NRXN1: variants seen among roughly 807,000 people sequenced by gnomAD.
The protein encoded by NRXN1 is neurexin-1.
A neutral mutation model predicts 150.9 loss-of-function variants in NRXN1; 39 were observed. The observed-to-expected ratio is 0.26, with a 90% CI of 0.20 to 0.34. The LOEUF is 0.34. Among genes scored for constraint, NRXN1 ranks in the 10% least tolerant of loss-of-function variants. NRXN1 has a pLI of 1.00. For synonymous variants in NRXN1, 924 were observed against 757.0 expected (o/e 1.22, Z -3.62); for missense variants, 1,815 against 1,949.9 (o/e 0.93, Z 1.30).
At position 50,697,815 on chromosome 2, in the gene NRXN1, C is replaced by T. The variant is rs567047517; in HGVS notation, c.833-74200G>A. 7.2e-5 allele frequency among the ~76,000 whole-genome samples: 11 copies of T among 152,264 alleles called. 1 individual carries two copies. Among genetic ancestry groups the T allele is most frequent in the African/African-American group, 1.9e-4 (8 of 41,556 alleles). On this transcript the variant is annotated intron_variant, in intron 5 of 22. Coordinates refer to ENST00000401669, the MANE Select transcript of NRXN1 (RefSeq NM_001330078.2). ...TCATTTTCTTTCTTTTCTCTGCCTC[C>T]AGGTTGGCACTTTTGTTCCTTTAAC...
rs1319421108 is a variant in NRXN1, at chr2:50,236,965, T to C, written c.3370A>G (p.Thr1124Ala). The change falls in exon 18 of 23, where the codon ACG (threonine) becomes GCG (alanine). Residue 1124 changes from threonine (T) to alanine (A), a missense_variant. Thr to Ala is a moderately conservative substitution (Grantham distance 58, BLOSUM62 0). Around this residue, in one of 6 missense-constraint regions of NRXN1, gnomAD observed 339 missense variants for 440.3 expected, o/e 0.77. Coordinates refer to ENST00000401669, the MANE Select transcript of NRXN1 (RefSeq NM_001330078.2). ...FSGPLCNDPGTTYIFSKGGGQ... is the reference protein window; with the variant it reads ...FSGPLCNDPGATYIFSKGGGQ... ...CCACCTTTGCTAAAGATATATGTCG[T>C]CCCAGCTGGAAAACAAAAACCAAAA... 1.2e-6 allele frequency: 2 copies of C among 1,613,114 alleles called. No individual in the cohort carries two copies. Among genetic ancestry groups the C allele is most frequent in the Non-Finnish European group, 8.5e-7 (1 of 1,179,492 alleles).
rs959634366 is a variant in NRXN1 at position 51,023,549 on chromosome 2, G to A, written c.772+3953C>T. ...CAGTTTAATAATCACTTTTTATTAC[G>A]TCAGCTGACACTATTTTAAGTTTTC... is the stretch of plus-strand genomic sequence containing the variant. On this transcript the variant is annotated intron_variant, in intron 2 of 22. Transcript: ENST00000401669. Among the ~76,000 whole-genome samples the A allele has an allele frequency of 1.8e-4, 27 of 151,912 alleles. 1 individual carries two copies. The highest frequency in any genetic ancestry group is 1.0e-3 in the South Asian group (5 of 4,818).
At chr2:50,081,580 A>G (rs1200617931) in intron 19 of NRXN1, among the ~76,000 whole-genome samples, 4 of 152,170 alleles carry the variant, frequency 2.6e-5, no homozygotes, top group Non-Finnish European at 5.9e-5. Flanking sequence ...CTTATTCTTG[A>G]GCTTACAAGA....
chr2:49,970,063 T>C (rs2152494173), intron 21 of NRXN1: 1 of 152,194 alleles, frequency 6.6e-6, no homozygotes, highest in African/African-American at 2.4e-5. Context: ...TTCAAGTCAT[T>C]CCCACCATGA....
intron 5 of NRXN1, among the ~76,000 whole-genome samples, chr2:50,842,533 C>T (rs1311620374): frequency 2.0e-5 from 3 of 152,140 alleles, no homozygotes; most frequent in Admixed American, 2.0e-4. Context: ...ATGAATACAA[C>T]AATGGCATTC....
rs535768578 is a variant in NRXN1, at chr2:50,549,370, C to T, written c.1759+3217G>A. On this transcript the variant is annotated intron_variant, in intron 9 of 22. Coordinates refer to ENST00000401669, the MANE Select transcript of NRXN1 (RefSeq NM_001330078.2). ...GAGCTAGGCTAACCTAATATGAGCT[C>T]TATTTTTTTTCAATTTAATAAAGGA... Among the ~76,000 whole-genome samples, 6 of 152,130 alleles carry T rather than the reference C, an allele frequency of 3.9e-5. No individual in the cohort carries two copies. In the East Asian group the frequency reaches 1.2e-3, roughly 30 times the overall value.
intron 18 of NRXN1, among the ~76,000 whole-genome samples, chr2:50,172,039 G>C (rs983201600): frequency 3.9e-5 from 6 of 152,130 alleles, no homozygotes; most frequent in African/African-American, 1.4e-4. Context: ...AGAGAATTCA[G>C]TACCTATTTA....
chr2:50,859,575 CAG>C (rs1245657742), intron 5 of NRXN1, among the ~76,000 whole-genome samples: 10 of 149,738 alleles, frequency 6.7e-5, no homozygotes, highest in Non-Finnish European at 5.9e-5. Context: ...ATAAATCTAA[CAG>C]AAATGTTTAC....
intron 5 of NRXN1, among the ~76,000 whole-genome samples, chr2:50,662,908 A>C (rs1225828639): frequency 6.6e-6 from 1 of 152,026 alleles, no homozygotes; most frequent in Non-Finnish European, 1.5e-5. Flanking sequence ...TTGTAAAATC[A>C]TTGATTCTTA....
rs537483371 is a variant in NRXN1 at position 50,812,801 on chromosome 2, A to C, written c.832+109068T>G. Reference sequence around the variant, plus strand: ...AACTTTGAGAGGGGAAAGAGAAAGCAAAAAAAAAAAGAAAAGGAAAAGTTA... The same window carrying C: ...AACTTTGAGAGGGGAAAGAGAAAGCCAAAAAAAAAAGAAAAGGAAAAGTTA... On this transcript the variant is annotated intron_variant, in intron 5 of 22. Coordinates refer to ENST00000401669, the MANE Select transcript of NRXN1 (RefSeq NM_001330078.2). Among the ~76,000 whole-genome samples the C allele has an allele frequency of 3.2e-4, 45 of 138,886 alleles. 1 individual carries two copies. The highest frequency in any genetic ancestry group is 1.2e-3 in the African/African-American group (45 of 38,786). 91.1% of individuals were successfully genotyped at this position (138,886 alleles called of 152,430 possible).
At chr2:50,262,146 T>G (rs545337039) in intron 17 of NRXN1, among the ~76,000 whole-genome samples, 37 of 152,088 alleles carry the variant, frequency 2.4e-4, no homozygotes, top group African/African-American at 7.7e-4. Context: ...TATTTCATTC[T>G]TATTTGACTT....
At chr2:50,861,148 T>A (rs570035349) in intron 5 of NRXN1, among the ~76,000 whole-genome samples, 1 of 152,162 alleles carries the variant, frequency 6.6e-6, no homozygotes, top group South Asian at 2.1e-4. Context: ...CTATGAGATA[T>A]CATCTTGTGT....
chr2:50,878,247 A>G (rs1015448771), intron 5 of NRXN1, among the ~76,000 whole-genome samples: 6 of 152,090 alleles, frequency 3.9e-5, no homozygotes, highest in African/African-American at 1.2e-4. Context: ...TACTTGCTTC[A>G]CAGTTTTCTT....
chr2:50,829,650 C>G (rs1056069667), intron 5 of NRXN1: 2 of 1,611,808 alleles, frequency 1.2e-6, no homozygotes, highest in South Asian at 1.1e-5. Flanking sequence ...CAGGTTGGTA[C>G]GGGACGGCAT....
chr2:50,471,151 A>G (rs35066773), intron 16 of NRXN1, among the ~76,000 whole-genome samples: 9,383 of 151,640 alleles, frequency 0.062, 383 homozygotes, highest in East Asian at 0.18. Flanking sequence ...TTTCGGTTAC[A>G]TGGATGAACT....
At chr2:50,644,587 A>G (rs1469032871) in intron 5 of NRXN1, among the ~76,000 whole-genome samples, 2 of 151,528 alleles carry the variant, frequency 1.3e-5, no homozygotes, top group Non-Finnish European at 3.0e-5. Context: ...ATTCTCTATT[A>G]CCAGTTCACT....
intron 8 of NRXN1, among the ~76,000 whole-genome samples, chr2:50,562,729 A>G (rs1036136537): frequency 3.9e-5 from 6 of 152,080 alleles, no homozygotes; most frequent in African/African-American, 1.2e-4. Context: ...GGGGAACACA[A>G]TTTTTAAATA....
intron 17 of NRXN1, among the ~76,000 whole-genome samples, chr2:50,434,688 G>C (rs1258120448): frequency 6.6e-6 from 1 of 152,020 alleles, no homozygotes; most frequent in Non-Finnish European, 1.5e-5. Context: ...AAATTTCTTT[G>C]TTCACTTTTT....
intron 5 of NRXN1, among the ~76,000 whole-genome samples, chr2:50,848,758 G>T (rs1674066107): frequency 6.6e-6 from 1 of 152,106 alleles, no homozygotes; most frequent in Non-Finnish European, 1.5e-5. Flanking sequence ...CTTTGGATGT[G>T]GCAAAAATGC....
Sources: allele counts gnomAD v4.1 joint callset (sites outside exome capture counted in the v4.1 genomes callset), GRCh38; gene constraint gnomAD v4.1.1; regional missense constraint gnomAD v4.1.1; transcripts MANE v1.5; gene names NCBI Gene and HGNC (gene_info 2026-07-23, HGNC 2026-07-21).